The following PANK1 variants were observed in gnomAD, a reference collection of about 807,000 sequenced individuals.
The protein encoded by PANK1 is pantothenic acid kinase 1.
A neutral mutation model predicts 40.1 loss-of-function variants in PANK1; 18 were observed. The observed-to-expected ratio is 0.45, with a 90% CI of 0.31 to 0.67. The LOEUF (loss-of-function observed/expected upper bound fraction) is 0.67. Ranked by LOEUF, PANK1 falls within the 30% of genes least tolerant of loss-of-function variation. The pLI, the probability that PANK1 is intolerant of heterozygous loss-of-function variation, is 0.06. For missense variants in PANK1, 457 were observed against 599.6 expected (o/e 0.76, Z 2.48); for synonymous variants, 242 against 237.7 (o/e 1.02, Z -0.17).
chr10:89,634,749 T>A (rs916446894), intron 1 of PANK1, among the ~76,000 whole-genome samples: 3 of 152,162 alleles, frequency 2.0e-5, no homozygotes, highest in East Asian at 1.9e-4. Context: ...ACTTCTTTTT[T>A]AAAAAATAAC....
At chr10:89,630,884 A>G (rs1348301124) in intron 1 of PANK1, among the ~76,000 whole-genome samples, 2 of 152,218 alleles carry the variant, frequency 1.3e-5, no homozygotes, top group Admixed American at 1.3e-4. Context: ...AGTTACACCC[A>G]AGCTGGATAG....
At chr10:89,621,861 GT>G in intron 1 of PANK1, among the ~76,000 whole-genome samples, 1 of 152,188 alleles carries the variant, frequency 6.6e-6, no homozygotes, top group East Asian at 1.9e-4. Context: ...TTACAGGGGT[GT>G]GTCACCACGC....
chr10:89,628,036 G>A (rs1254355742), intron 1 of PANK1, among the ~76,000 whole-genome samples: 1 of 152,162 alleles, frequency 6.6e-6, no homozygotes. Context: ...TTGAAAACAA[G>A]TATTATGAGG....
chr10:89,643,964 C>A, intron 1 of PANK1: 1 of 941,388 alleles, frequency 1.1e-6, no homozygotes, highest in Non-Finnish European at 1.5e-6. Flanking sequence ...AAATCCACCT[C>A]CAATCCTCAT....
intron 2 of PANK1, among the ~76,000 whole-genome samples, chr10:89,606,534 G>A (rs1844971171): frequency 6.6e-6 from 1 of 151,828 alleles, no homozygotes; most frequent in African/African-American, 2.4e-5. Context: ...TTCTTTTCAT[G>A]TTTTTTTGAG....
At chr10:89,595,162 C>T (rs530532429) in intron 3 of PANK1, among the ~76,000 whole-genome samples, 30 of 152,282 alleles carry the variant, frequency 2.0e-4, no homozygotes, top group East Asian at 1.4e-3. Flanking sequence ...GCATCTAAAA[C>T]GAAACTGACC....
intron 2 of PANK1, among the ~76,000 whole-genome samples, chr10:89,608,841 T>C (rs1185934914): frequency 6.6e-6 from 1 of 152,228 alleles, no homozygotes; most frequent in East Asian, 1.9e-4. Flanking sequence ...TCTTCGATTT[T>C]CTATTCTAGA....
intron 5 of PANK1, among the ~76,000 whole-genome samples, chr10:89,590,295 C>G (rs1035118215): frequency 2.0e-4 from 31 of 151,704 alleles, no homozygotes; most frequent in Admixed American, 1.7e-3. Context: ...CATAAATCAA[C>G]AAGAAAAAAA....
At chr10:89,589,340 T>A (rs1450101772) in intron 5 of PANK1, among the ~76,000 whole-genome samples, 2 of 152,140 alleles carry the variant, frequency 1.3e-5, no homozygotes, top group African/African-American at 2.4e-5. Context: ...TAACAAAAAA[T>A]AATTCTATTT....
chr10:89,621,320 C>T, intron 1 of PANK1, among the ~76,000 whole-genome samples: 1 of 149,310 alleles, frequency 6.7e-6, no homozygotes, highest in East Asian at 2.0e-4. Context: ...AAAAAAAAAT[C>T]CTTGTTAAAT....
At chr10:89,587,901 A>C (rs1387773718) in intron 6 of PANK1, among the ~76,000 whole-genome samples, 1 of 152,200 alleles carries the variant, frequency 6.6e-6, no homozygotes, top group Non-Finnish European at 1.5e-5. Flanking sequence ...AAGCTAATTA[A>C]CATGTATATA....
intron 3 of PANK1, among the ~76,000 whole-genome samples, chr10:89,595,358 G>A (rs1844530294): frequency 6.6e-6 from 1 of 152,146 alleles, no homozygotes; most frequent in African/African-American, 2.4e-5. Context: ...AACTGAGGAA[G>A]GAGAATTGCT....
At chr10:89,626,890 C>T (rs1442348067) in intron 1 of PANK1, among the ~76,000 whole-genome samples, 9 of 152,070 alleles carry the variant, frequency 5.9e-5, no homozygotes, top group Non-Finnish European at 1.0e-4. Context: ...GTCACCAGAG[C>T]GTGCTTGCAT....
intron 1 of PANK1, among the ~76,000 whole-genome samples, chr10:89,636,464 T>C (rs1482109271): frequency 6.6e-6 from 1 of 152,034 alleles, no homozygotes; most frequent in East Asian, 1.9e-4. Context: ...CATATTATTA[T>C]TTTTTGAGAT....
intron 1 of PANK1, among the ~76,000 whole-genome samples, chr10:89,630,617 C>T (rs1445921426): frequency 2.0e-5 from 3 of 152,028 alleles, no homozygotes; most frequent in South Asian, 4.2e-4. Context: ...CTCAGCCTCC[C>T]GAGTAGCTGA....
At chr10:89,638,722 T>C (rs1841892955) in intron 1 of PANK1, among the ~76,000 whole-genome samples, 1 of 152,244 alleles carries the variant, frequency 6.6e-6, no homozygotes, top group African/African-American at 2.4e-5. Context: ...ATAACAAGGC[T>C]GGTCCTTACT....
intron 3 of PANK1, 93 bp downstream of exon 3, chr10:89,599,159 T>C (rs769481908): frequency 1.8e-4 from 220 of 1,252,660 alleles, no homozygotes; most frequent in Middle Eastern, 2.7e-4. Flanking sequence ...AAGATATTTC[T>C]TTTAAAAATG....
intron 1 of PANK1, among the ~76,000 whole-genome samples, chr10:89,624,222 G>T (rs1845593314): frequency 6.6e-6 from 1 of 152,142 alleles, no homozygotes; most frequent in Non-Finnish European, 1.5e-5. Flanking sequence ...TGCTGCTCGG[G>T]GTTAACCCAT....
chr10:89,592,962 C>G, intron 5 of PANK1: 2 of 555,356 alleles, frequency 3.6e-6, no homozygotes, highest in Non-Finnish European at 6.6e-6. Context: ...TAATTGTATC[C>G]TGTTTCCACA....
Sources: gnomAD v4.1 joint callset for allele counts (sites outside exome capture counted in the v4.1 genomes callset) on GRCh38, gnomAD v4.1.1 for gene constraint, MANE v1.5 for transcripts, NCBI Gene and HGNC (gene_info 2026-07-23, HGNC 2026-07-21) for gene names.